Variants in TET3 observed in about 807,000 individuals in gnomAD.
TET3 encodes tet methylcytosine dioxygenase 3.
In TET3, 19 loss-of-function variants were observed where a neutral mutation model predicts 141.4. The observed-to-expected ratio is 0.13, with a 90% CI of 0.09 to 0.20. The LOEUF (loss-of-function observed/expected upper bound fraction) is 0.20, where lower values mean the gene tolerates loss of function less well. Ranked by LOEUF, TET3 falls within the 10% of genes least tolerant of loss-of-function variation. The probability of loss-of-function intolerance (pLI) is 1.00; values close to 1 mark genes in which losing one functional copy is unlikely to be tolerated. For missense variants in TET3, 1,874 were observed against 2,356.9 expected, an observed-to-expected ratio of 0.80 and a Z score of 4.24; for synonymous variants, 1,043 against 980.9, an observed-to-expected ratio of 1.06 and a Z score of -1.18.
chr2:74,032,224 G>A (rs1158298880), intron 3 of TET3, among the ~76,000 whole-genome samples: 1 of 152,150 alleles, frequency 6.6e-6, no homozygotes, highest in Non-Finnish European at 1.5e-5. Context: ...TGAAGGACTG[G>A]CTCTGCGGGG....
At chr2:73,992,503 G>A (rs947782860) in intron 2 of TET3, among the ~76,000 whole-genome samples, 10 of 151,966 alleles carry the variant, frequency 6.6e-5, no homozygotes, top group African/African-American at 2.2e-4. Context: ...TAGTAGAGAA[G>A]GGGGTTCACC....
chr2:74,102,345 C>A lies in TET3; in HGVS notation c.*169C>A. Reference sequence around the variant, plus strand: ...TGTATTTATGGTCCAAACCTCAGAACTGACCCGCCCCTCCCTTACCCCCAC... The same window carrying A: ...TGTATTTATGGTCCAAACCTCAGAAATGACCCGCCCCTCCCTTACCCCCAC... On this transcript the variant is annotated 3_prime_UTR_variant, in exon 12 of 12. Transcript: ENST00000409262. 1 of 1,088,374 alleles carries A rather than the reference C, an allele frequency of 9.2e-7. No individual in the cohort carries two copies. Among genetic ancestry groups the A allele is most frequent in the Non-Finnish European group, 1.2e-6 (1 of 858,178 alleles). 67.4% of individuals were successfully genotyped at this position (1,088,374 alleles called of 1,614,324 possible).
At chr2:74,129,737 A>G in the TET3 span, among the ~76,000 whole-genome samples, 1 of 151,970 alleles carries the variant, frequency 6.6e-6, no homozygotes, top group Non-Finnish European at 1.5e-5. Context: ...TTTTGTTTTT[A>G]TATCTTCCAG....
At chr2:74,126,239 C>G in the TET3 span, among the ~76,000 whole-genome samples, 2 of 152,262 alleles carry the variant, frequency 1.3e-5, no homozygotes, top group Admixed American at 6.5e-5. Flanking sequence ...CAGATTGACA[C>G]AGTAGATCAG....
Position 74,047,635 on chromosome 2 carries a change from G to C in TET3, c.1718G>C (p.Arg573Thr), listed in dbSNP as rs780527851. 1.2e-6 allele frequency: 2 copies of C among 1,613,520 alleles called. No individual in the cohort carries two copies. Among genetic ancestry groups the C allele is most frequent in the African/African-American group, 1.3e-5 (1 of 75,038 alleles). Residue 573 changes from arginine (R) to threonine (T), a missense_variant, in exon 4 of 12, where the codon AGA becomes ACA. Transcript: ENST00000409262. Reference sequence around the variant, plus strand: ...TCACCTGTCCCACGGCTTCCAGACAGACCACCCAAGGAGAAGAAGAAGAAG... The same window carrying C: ...TCACCTGTCCCACGGCTTCCAGACACACCACCCAAGGAGAAGAAGAAGAAG... ...PSSPVPRLPDRPPKEKKKKLP... is the reference protein window; with the variant it reads ...PSSPVPRLPDTPPKEKKKKLP...
chr2:74,015,301 AG>A (rs1425216856), intron 3 of TET3, among the ~76,000 whole-genome samples: 1 of 152,238 alleles, frequency 6.6e-6, no homozygotes, highest in African/African-American at 2.4e-5. Flanking sequence ...AAATGCAGAA[AG>A]TTTTGAATTT....
chr2:74,034,592 A>C (rs995454947), intron 3 of TET3, among the ~76,000 whole-genome samples: 1 of 151,930 alleles, frequency 6.6e-6, no homozygotes, highest in Admixed American at 6.6e-5. Context: ...AAAAAAAAAA[A>C]AACCCTGTTG....
intron 8 of TET3, among the ~76,000 whole-genome samples, chr2:74,092,581 G>A (rs1191171038): frequency 6.6e-6 from 1 of 152,160 alleles, no homozygotes; most frequent in Non-Finnish European, 1.5e-5. Context: ...CTGACCTACG[G>A]TGTTCAGCAC....
chr2:73,984,841 C>G (rs1459486654), upstream of TET3, among the ~76,000 whole-genome samples: 41 of 147,242 alleles, frequency 2.8e-4, no homozygotes, highest in African/African-American at 9.1e-4. This position sits in a 1 kb window ranked among gnomAD's most constrained non-coding sequence, Gnocchi z 5.6. Flanking sequence ...TCGGCGGGGC[C>G]GCACGTGTGC....
rs1183651768 is a variant in TET3, at chr2:74,106,297, TCTC to T, written c.*4122_*4124del. Reference sequence around the variant, plus strand: ...GTGCTTTTTGGTTCCACACCTGTCTTCTCAGGCTTGATGTGAAAGAAAGGGCGA... The same window carrying T: ...GTGCTTTTTGGTTCCACACCTGTCTTAGGCTTGATGTGAAAGAAAGGGCGA... On this transcript the variant is annotated 3_prime_UTR_variant, in exon 12 of 12. Coordinates refer to ENST00000409262, the MANE Select transcript of TET3 (RefSeq NM_001287491.2). The T allele has an allele frequency of 6.6e-6, 1 of 152,302 alleles. No homozygotes were observed. Among genetic ancestry groups the T allele is most frequent in the Non-Finnish European group, 1.5e-5 (1 of 68,072 alleles). 9.4% of individuals were successfully genotyped at this position (152,302 alleles called of 1,614,324 possible).
At chr2:74,016,841 T>C (rs1685755679) in intron 3 of TET3, among the ~76,000 whole-genome samples, 1 of 151,004 alleles carries the variant, frequency 6.6e-6, no homozygotes, top group Non-Finnish European at 1.5e-5. Flanking sequence ...ATTATAAATA[T>C]TTGTGGGGTA....
chr2:74,086,458 GT>G (rs1311385183), intron 6 of TET3, among the ~76,000 whole-genome samples: 2 of 152,062 alleles, frequency 1.3e-5, no homozygotes, highest in African/African-American at 4.8e-5. Context: ...TAATTCAATG[GT>G]TTTTGGTGTA....
chr2:74,099,461 C>T lies in TET3; in HGVS notation c.3453C>T (p.Arg1151=). 1.9e-6 allele frequency: 3 copies of T among 1,613,708 alleles called. No individual in the cohort carries two copies. In the South Asian group the frequency reaches 3.3e-5, roughly 18 times the overall value. The part of the protein sequence containing the change: ...VLTAFPREVR[R]LPEPAKSCRQ... ...CCGCCTTCCCCCGCGAGGTCCGACG[C>T]CTGCCCGAGCCTGCCAAGTCCTGCC... Residue 1151 remains arginine, a synonymous_variant, in exon 11 of 12, where the codon CGC becomes CGT. Coordinates refer to ENST00000409262, the MANE Select transcript of TET3 (RefSeq NM_001287491.2).
the TET3 span, among the ~76,000 whole-genome samples, chr2:74,124,733 C>T: frequency 2.0e-5 from 3 of 151,948 alleles, no homozygotes; most frequent in East Asian, 1.9e-4. Context: ...GCAGCATGCT[C>T]GTTAAGAGTC....
chr2:74,114,304 G>C, the TET3 span, among the ~76,000 whole-genome samples: 1 of 152,064 alleles, frequency 6.6e-6, no homozygotes, highest in Non-Finnish European at 1.5e-5. Context: ...GGGGACTCGG[G>C]GGGGAGGGCT....
intron 10 of TET3, among the ~76,000 whole-genome samples, chr2:74,094,605 C>T (rs1274463799): frequency 5.3e-5 from 8 of 151,626 alleles, no homozygotes; most frequent in Admixed American, 6.6e-5. Context: ...AGGAAGGAGG[C>T]GAAGGAGGAG....
the TET3 span, among the ~76,000 whole-genome samples, chr2:74,116,447 C>G: frequency 3.3e-5 from 5 of 150,944 alleles, no homozygotes; most frequent in African/African-American, 1.2e-4. Flanking sequence ...CTTTGGGAGG[C>G]CAAGGCAGGC....
At chr2:74,109,709 T>C (rs955879187), downstream of TET3, among the ~76,000 whole-genome samples, 3 of 152,196 alleles carry the variant, frequency 2.0e-5, no homozygotes, top group Non-Finnish European at 2.9e-5. Flanking sequence ...TGTCCACCAC[T>C]ACTCCCCACC....
At chr2:74,036,288 C>T (rs778790976) in intron 3 of TET3, among the ~76,000 whole-genome samples, 4 of 152,132 alleles carry the variant, frequency 2.6e-5, no homozygotes, top group African/African-American at 7.2e-5. Context: ...TTCAGTCCTA[C>T]GTAATAGGTG....
Sources: allele counts gnomAD v4.1 joint callset (sites outside exome capture counted in the v4.1 genomes callset), GRCh38; gene constraint gnomAD v4.1.1; non-coding constraint Gnocchi (gnomAD v3.1); transcripts MANE v1.5; gene names NCBI Gene and HGNC (gene_info 2026-07-23, HGNC 2026-07-21).